The following TSHZ2 variants were observed in gnomAD, a reference collection of about 807,000 sequenced individuals.
TSHZ2 encodes the protein teashirt zinc finger homeobox 2, also known as teashirt homolog 2.
TSHZ2 carries 21 observed loss-of-function variants against 74.4 expected under a neutral mutation model. The ratio of observed to expected loss-of-function variants is 0.28; its 90% CI spans 0.20 to 0.41. TSHZ2 has a LOEUF of 0.41. Among genes scored for constraint, TSHZ2 ranks in the 10% least tolerant of loss-of-function variants. The pLI, the probability that TSHZ2 is intolerant of heterozygous loss-of-function variation, is 1.00. For missense variants in TSHZ2, 1,244 were observed against 1,293.5 expected (o/e 0.96, Z 0.59); for synonymous variants, 540 against 515.3 (o/e 1.05, Z -0.65).
At chr20:52,995,046 T>A (rs1982130729) in intron 1 of TSHZ2, among the ~76,000 whole-genome samples, 1 of 152,316 alleles carries the variant, frequency 6.6e-6, no homozygotes, top group East Asian at 1.9e-4. Context: ...GAAGCTCAGG[T>A]GTGTTTCACT....
At chr20:53,104,532 TTG>T (rs1319056113) in intron 1 of TSHZ2, among the ~76,000 whole-genome samples, 1 of 152,136 alleles carries the variant, frequency 6.6e-6, no homozygotes, top group Non-Finnish European at 1.5e-5. Flanking sequence ...ACCAAAGTCT[TTG>T]TGTGTTTTTT....
intron 1 of TSHZ2, among the ~76,000 whole-genome samples, chr20:53,033,610 G>A (rs868131539): frequency 1.4e-5 from 2 of 142,676 alleles, no homozygotes; most frequent in Admixed American, 1.4e-4. Context: ...TTTTATGCCA[G>A]GAATTTGTTT....
At chr20:53,020,051 G>A (rs539700714) in intron 1 of TSHZ2, among the ~76,000 whole-genome samples, 227 of 152,204 alleles carry the variant, frequency 1.5e-3, no homozygotes, top group Middle Eastern at 6.8e-3. Context: ...GTATGCAGGG[G>A]GAAACTGCCA....
chr20:53,138,756 A>G (rs973774858), intron 1 of TSHZ2, among the ~76,000 whole-genome samples: 5 of 152,236 alleles, frequency 3.3e-5, no homozygotes, highest in African/African-American at 1.2e-4. Context: ...CTCTGCTGGT[A>G]ACATTCAACA....
At chr20:53,053,421 G>A (rs989122246) in intron 1 of TSHZ2, among the ~76,000 whole-genome samples, 1 of 152,082 alleles carries the variant, frequency 6.6e-6, no homozygotes, top group African/African-American at 2.4e-5. Flanking sequence ...AGGTTTCAGG[G>A]ACAAACAAGG....
intron 1 of TSHZ2, among the ~76,000 whole-genome samples, chr20:53,146,587 G>C (rs998092377): frequency 6.6e-6 from 1 of 152,170 alleles, no homozygotes; most frequent in African/African-American, 2.4e-5. Context: ...CTTTGGTATA[G>C]TTTTCGTGGT....
At chr20:53,304,783 C>A (rs1978454636) in intron 2 of TSHZ2, among the ~76,000 whole-genome samples, 1 of 152,038 alleles carries the variant, frequency 6.6e-6, no homozygotes. Flanking sequence ...AGGCACGCAC[C>A]ACCACGCCCA....
At position 53,255,557 on chromosome 20, in the gene TSHZ2, C is replaced by T. The variant is rs867002096; in HGVS notation, c.2099C>T (p.Ser700Phe). The T allele has an allele frequency of 1.9e-6, 3 of 1,581,078 alleles. No individual in the cohort carries two copies. The highest frequency in any genetic ancestry group is 2.6e-6 in the Non-Finnish European group (3 of 1,165,056). The change falls in exon 2 of 3, where the codon TCC becomes TTC. Residue 700 changes from serine (S) to phenylalanine (F), a missense_variant. By Grantham distance (155) the Ser-to-Phe change is radical. Coordinates refer to ENST00000371497, the MANE Select transcript of TSHZ2 (RefSeq NM_173485.6). The surrounding 1 kb of genome is among the most constrained non-coding windows in gnomAD (Gnocchi z 4.1). The stretch of plus-strand genomic sequence containing the variant: ...ATCAACCCACTCAGCGCCCTGCAGT[C>T]CGTCCTGAACAATCACTTGGGCAAA... ...PCINPLSALQSVLNNHLGKAT... is the reference protein window; with the variant it reads ...PCINPLSALQFVLNNHLGKAT...
intron 2 of TSHZ2, among the ~76,000 whole-genome samples, chr20:53,472,140 C>A (rs1042144328): frequency 6.6e-6 from 1 of 152,100 alleles, no homozygotes; most frequent in African/African-American, 2.4e-5. Flanking sequence ...TGAGGAGTGA[C>A]CCAACTTAAT....
At chr20:53,076,440 A>C (rs1985365866) in intron 1 of TSHZ2, among the ~76,000 whole-genome samples, 1 of 152,210 alleles carries the variant, frequency 6.6e-6, no homozygotes, top group Admixed American at 6.5e-5. Flanking sequence ...GTAGATGAGC[A>C]AGTCCTTGCC....
chr20:53,406,009 AC>A (rs762462859), intron 2 of TSHZ2, among the ~76,000 whole-genome samples: 4 of 151,992 alleles, frequency 2.6e-5, no homozygotes, highest in Non-Finnish European at 5.9e-5. Flanking sequence ...AAAAATAAAT[AC>A]TTTTTTTTAA....
chr20:53,247,650 G>A (rs949063744), intron 1 of TSHZ2, among the ~76,000 whole-genome samples: 1 of 152,170 alleles, frequency 6.6e-6, no homozygotes, highest in Non-Finnish European at 1.5e-5. Context: ...GGTACACGCT[G>A]AGAAATTCTC....
At chr20:53,263,411 T>G (rs1990641376) in intron 2 of TSHZ2, among the ~76,000 whole-genome samples, 1 of 152,226 alleles carries the variant, frequency 6.6e-6, no homozygotes, top group Non-Finnish European at 1.5e-5. Context: ...CTCCCAGGAC[T>G]GGGCGATGAC....
At chr20:53,275,194 G>A (rs898967618) in intron 2 of TSHZ2, among the ~76,000 whole-genome samples, 1 of 152,150 alleles carries the variant, frequency 6.6e-6, no homozygotes, top group African/African-American at 2.4e-5. Flanking sequence ...ATGGAAACAT[G>A]TAACAGAGGC....
At position 53,285,356 on chromosome 20, in the gene TSHZ2, T is replaced by G. The variant is rs578061086; in HGVS notation, c.*8+28785T>G. 2.0e-5 allele frequency among the ~76,000 whole-genome samples: 3 copies of G among 152,274 alleles called. No homozygotes were observed. In the East Asian group the frequency reaches 5.8e-4, roughly 29 times the overall value. The stretch of plus-strand genomic sequence containing the variant: ...CCAAAATGAAAATAAAATTTAGATA[T>G]TCTTGATTGAAAATTCAGAACTTTA... On this transcript the variant is annotated intron_variant, in intron 2 of 2. Transcript: ENST00000371497.
intron 1 of TSHZ2, among the ~76,000 whole-genome samples, chr20:53,162,789 G>A (rs1335104566): frequency 6.6e-6 from 1 of 152,186 alleles, no homozygotes; most frequent in Non-Finnish European, 1.5e-5. Flanking sequence ...TAACTGCAGA[G>A]ACATCTGCTG....
At chr20:53,118,572 C>T (rs1469374265) in intron 1 of TSHZ2, among the ~76,000 whole-genome samples, 5 of 152,094 alleles carry the variant, frequency 3.3e-5, no homozygotes, top group Admixed American at 6.5e-5. Flanking sequence ...GAGCTGTCCT[C>T]ATTTGAGGTA....
chr20:53,005,042 G>A (rs1348456081), intron 1 of TSHZ2, among the ~76,000 whole-genome samples: 1 of 152,170 alleles, frequency 6.6e-6, no homozygotes, highest in African/African-American at 2.4e-5. Context: ...GCCGGGCCTG[G>A]TGGCTCACAC....
At chr20:53,377,472 T>C (rs1454720968) in intron 2 of TSHZ2, among the ~76,000 whole-genome samples, 1 of 152,200 alleles carries the variant, frequency 6.6e-6, no homozygotes, top group Non-Finnish European at 1.5e-5. Flanking sequence ...AGCAAACTCA[T>C]TCTTTAAAGG....
Sources: allele counts gnomAD v4.1 joint callset (sites outside exome capture counted in the v4.1 genomes callset), GRCh38; gene constraint gnomAD v4.1.1; non-coding constraint Gnocchi (gnomAD v3.1); transcripts MANE v1.5; gene names NCBI Gene and HGNC (gene_info 2026-07-23, HGNC 2026-07-21).